Variants in DMD observed in about 807,000 individuals in gnomAD.
DMD encodes dystrophin.
Under a neutral mutation model 330.1 loss-of-function variants are expected in DMD, and 63 were observed. The ratio of observed to expected loss-of-function variants is 0.19; its 90% confidence interval spans 0.16 to 0.24. The LOEUF is 0.24. DMD is among the 10% of genes least tolerant of loss of function. The probability of loss-of-function intolerance (pLI) is 1.00; values close to 1 mark genes in which losing one functional copy is unlikely to be tolerated. For synonymous variants in DMD, 1,223 were observed against 959.8 expected (o/e 1.27, Z -5.07); for missense variants, 3,344 against 2,684.1 (o/e 1.25, Z -5.43).
intron 44 of DMD, among the ~76,000 whole-genome samples, chrX:32,207,947 T>C (rs2147791969): frequency 8.9e-6 from 1 of 111,993 alleles, no homozygotes; most frequent in African/African-American, 3.2e-5. Context: ...AAAAATGTGT[T>C]ATTTAAGATT....
At chrX:32,579,932 C>CAA (rs1265907978) in intron 13 of DMD, among the ~76,000 whole-genome samples, 9 of 111,583 alleles carry the variant, frequency 8.1e-5, no homozygotes, top group African/African-American at 2.9e-4. Context: ...TGTGAGTATA[C>CAA]AAAGTGCTAA....
At chrX:32,335,979 T>TGTTATATATAACGGTATATATAAC in intron 41 of DMD, among the ~76,000 whole-genome samples, 1 of 84,899 alleles carries the variant, frequency 1.2e-5, no homozygotes, top group African/African-American at 4.0e-5. Context: ...GTGTATAACA[T>TGTTATATATAACGGTATATATAAC]GTTATATATA....
At chrX:32,092,799 G>A (rs2148014797) in intron 44 of DMD, among the ~76,000 whole-genome samples, 1 of 91,847 alleles carries the variant, frequency 1.1e-5, no homozygotes, top group Non-Finnish European at 2.1e-5. Flanking sequence ...TAGGGGAAGA[G>A]TGCCTTTGGT....
chrX:32,561,990 T>C (rs917492396), intron 16 of DMD, among the ~76,000 whole-genome samples: 1 of 111,807 alleles, frequency 8.9e-6, no homozygotes, highest in African/African-American at 3.2e-5. Context: ...CAAGCAAATG[T>C]TGATGGAATT....
At chrX:31,164,991 C>T (rs1257453494) in intron 74 of DMD, among the ~76,000 whole-genome samples, 1 of 111,966 alleles carries the variant, frequency 8.9e-6, no homozygotes, top group East Asian at 2.8e-4. Context: ...CCATTCCTAA[C>T]CTCTTCAGAT....
intron 60 of DMD, among the ~76,000 whole-genome samples, chrX:31,372,531 G>C (rs777853930): frequency 1.4e-4 from 16 of 112,044 alleles, no homozygotes; most frequent in Non-Finnish European, 2.4e-4. Context: ...GAAAGAACAT[G>C]AGTTTTGAAG....
At chrX:32,709,820 G>A (rs1484615677) in intron 7 of DMD, among the ~76,000 whole-genome samples, 9 of 110,703 alleles carry the variant, frequency 8.1e-5, no homozygotes, top group African/African-American at 2.6e-4. Flanking sequence ...TCATTATTAT[G>A]TTTATTTTTT....
rs186588205 is a variant in DMD at position 32,222,814 on chromosome X, A to T, written c.6291-5751T>A. ...TAATTTCAGGACTTAAAGTATTTAAATAGGCAGTGTCATTAGCCTGCTGAT... is the reference window on the plus strand; with the variant it reads ...TAATTTCAGGACTTAAAGTATTTAATTAGGCAGTGTCATTAGCCTGCTGAT... On this transcript the variant is annotated intron_variant, in intron 43 of 78. Coordinates refer to ENST00000357033, the MANE Select transcript of DMD (RefSeq NM_004006.3). 2.1e-4 allele frequency among the ~76,000 whole-genome samples: 24 copies of T among 112,299 alleles called. No homozygotes were observed. The Admixed American group carries it at 2.2e-3, about 10-fold the overall frequency.
intron 2 of DMD, among the ~76,000 whole-genome samples, chrX:32,904,501 G>A (rs1458761902): frequency 2.7e-5 from 3 of 112,168 alleles, no homozygotes; most frequent in South Asian, 3.7e-4. Context: ...AGAATAAAGG[G>A]TAAGTCATAG....
chrX:33,230,963 A>AT (rs1246973220), intron 1 of DMD, among the ~76,000 whole-genome samples: 3 of 103,510 alleles, frequency 2.9e-5, no homozygotes, highest in African/African-American at 1.3e-4. Context: ...TAGCCAAAAA[A>AT]AAAAAAAAAT....
chrX:31,620,998 T>C (rs996767551), intron 55 of DMD, among the ~76,000 whole-genome samples: 4 of 111,831 alleles, frequency 3.6e-5, no homozygotes, highest in African/African-American at 1.3e-4. Context: ...CAGATCTTTT[T>C]CCAAACCTTA....
intron 60 of DMD, among the ~76,000 whole-genome samples, chrX:31,422,175 G>GT (rs1022282056): frequency 9.3e-6 from 1 of 107,279 alleles, no homozygotes; most frequent in Non-Finnish European, 1.9e-5. Flanking sequence ...CCGGCTAAAT[G>GT]TTTTTTGTAT....
At chrX:32,841,497 TAG>T (rs200173415) in intron 4 of DMD, among the ~76,000 whole-genome samples, 23 of 111,286 alleles carry the variant, frequency 2.1e-4, no homozygotes, top group Non-Finnish European at 3.4e-4. Flanking sequence ...TTTGTGTGTG[TAG>T]AGAGAGAGAG....
chrX:32,498,288 C>T (rs2043699323), intron 19 of DMD, among the ~76,000 whole-genome samples: 1 of 111,225 alleles, frequency 9.0e-6, no homozygotes, highest in African/African-American at 3.3e-5. Flanking sequence ...ATTTATCCAA[C>T]CAATTAATGC....
intron 52 of DMD, among the ~76,000 whole-genome samples, chrX:31,704,684 G>A (rs1236749380): frequency 2.7e-5 from 3 of 111,343 alleles, no homozygotes; most frequent in South Asian, 3.7e-4. Context: ...ACACACATAC[G>A]TTGCCAGAAC....
intron 44 of DMD, among the ~76,000 whole-genome samples, chrX:32,205,010 T>TCTCTCTC (rs2097059434): frequency 5.7e-5 from 3 of 53,046 alleles, no homozygotes; most frequent in Admixed American, 2.7e-4. Flanking sequence ...CTCTCTCACA[T>TCTCTCTC]ACACACACAC....
chrX:32,305,353 C>T (rs987780719), intron 42 of DMD, among the ~76,000 whole-genome samples: 2 of 111,130 alleles, frequency 1.8e-5, no homozygotes, highest in Non-Finnish European at 3.8e-5. Flanking sequence ...ACTGAAGAAT[C>T]GAAGACTAAA....
At chrX:31,434,418 G>GCACACACACACACACA (rs10572572) in intron 60 of DMD, among the ~76,000 whole-genome samples, 4 of 78,065 alleles carry the variant, frequency 5.1e-5, no homozygotes, top group East Asian at 9.2e-4. Context: ...CAGCGCGCGC[G>GCACACACACACACACA]CACACACACA....
intron 57 of DMD, among the ~76,000 whole-genome samples, chrX:31,485,699 G>A (rs1173128925): frequency 1.8e-5 from 2 of 111,543 alleles, no homozygotes; most frequent in African/African-American, 6.5e-5. Flanking sequence ...TTTCTCCTGG[G>A]GACAGTGGAT....
Sources: gnomAD v4.1 joint callset for allele counts (sites outside exome capture counted in the v4.1 genomes callset) on GRCh38, gnomAD v4.1.1 for gene constraint, MANE v1.5 for transcripts, NCBI Gene and HGNC (gene_info 2026-07-23, HGNC 2026-07-21) for gene names.